The following EIF2B5 variants were observed in gnomAD, a reference collection of about 807,000 sequenced individuals.
The protein encoded by EIF2B5 is translation initiation factor eIF2B subunit epsilon.
EIF2B5 carries 38 observed loss-of-function variants against 87.3 expected under a neutral mutation model. The ratio of observed to expected loss-of-function variants is 0.44; its 90% CI spans 0.34 to 0.57. The LOEUF is 0.57. EIF2B5 is among the 20% of genes least tolerant of loss of function. The pLI is 0.02. For missense variants in EIF2B5, 784 were observed against 909.5 expected (o/e 0.86, Z 1.78); for synonymous variants, 313 against 339.6 (o/e 0.92, Z 0.86).
intron 13 of EIF2B5, 104 bp from the exon 14 acceptor site, chr3:184,143,995 C>A: frequency 6.5e-7 from 1 of 1,537,288 alleles, no homozygotes; most frequent in African/African-American, 1.4e-5. Flanking sequence ...GAACCTGTAT[C>A]ATCTCCCTTT....
In EIF2B5 at chr3:184,137,908, A is replaced by G. The variant is rs1396988642; in HGVS notation, c.517A>G (p.Lys173Glu). 1 of 1,614,070 alleles carries G rather than the reference A, an allele frequency of 6.2e-7. No individual in the cohort carries two copies. Among genetic ancestry groups the G allele is most frequent in the African/African-American group, 1.3e-5 (1 of 74,906 alleles). The part of the protein sequence containing the change: ...RALEEHRLRR[K>E]LEKNVSVMTM... Reference sequence around the variant, plus strand: ...TCCTGTCCTTTATAGGTTGAGACGGAAGCTAGAAAAAAATGTTTCTGTGAT... The same window carrying G: ...TCCTGTCCTTTATAGGTTGAGACGGGAGCTAGAAAAAAATGTTTCTGTGAT... Residue 173 changes from lysine to glutamate, a missense_variant, in exon 4 of 16, where the codon AAG becomes GAG. Transcript: ENST00000648915.
Position 184,144,244 on chromosome 3 carries a change from C to G in EIF2B5, c.1995+20C>G. On this transcript the variant is annotated intron_variant, in intron 14 of 15. Transcript: ENST00000648915. Reference sequence around the variant, plus strand: ...GCCAAGGTGAATATGACCTCAAGCCCCATTCTTCTGCACTTGCTTTCAAAC... The same window carrying G: ...GCCAAGGTGAATATGACCTCAAGCCGCATTCTTCTGCACTTGCTTTCAAAC... 2 of 1,613,582 alleles carry G rather than the reference C, an allele frequency of 1.2e-6. No homozygotes were observed. Among genetic ancestry groups the G allele is most frequent in the Non-Finnish European group, 1.7e-6 (2 of 1,180,032 alleles).
intron 1 of EIF2B5, 134 bp downstream of exon 1, chr3:184,135,714 G>C (rs1340310428): frequency 7.8e-7 from 1 of 1,279,764 alleles, no homozygotes; most frequent in Non-Finnish European, 1.1e-6. Flanking sequence ...ACCGGATGCA[G>C]AGGGACTGTC....
chr3:184,142,642 C>A lies in EIF2B5; in HGVS notation c.1546+39C>A. The A allele has an allele frequency of 1.9e-6, 3 of 1,592,724 alleles. No homozygotes were observed. The South Asian group carries it at 3.4e-5, about 18-fold the overall frequency. On this transcript the variant is annotated intron_variant, in intron 10 of 15. Coordinates refer to ENST00000648915, the MANE Select transcript of EIF2B5 (RefSeq NM_003907.3). The surrounding 1 kb of genome is among the most constrained non-coding windows in gnomAD (Gnocchi z 5.0). ...GATGCCTGCCCTTCTCCTCCTGAAT[C>A]GGAATATTTTGAAGGATAATGAATA...
Position 184,142,811 on chromosome 3 carries a change from A to G in EIF2B5, c.1579A>G (p.Ser527Gly), listed in dbSNP as rs776148859. Residue 527 changes from serine to glycine, a missense_variant, in exon 11 of 16, where the codon AGT (serine) becomes GGT (glycine). Ser to Gly is a moderately conservative substitution (Grantham distance 56). Transcript: ENST00000648915. This position sits in a 1 kb window ranked among gnomAD's most constrained non-coding sequence, Gnocchi z 5.0. ...GATCAACATGGAAGAAGAGAGTGAA[A>G]GTGAAAGTGAGCAAAGTATGGATTC... ...LKINMEEESE[S>G]ESEQSMDSEE... 52 of 1,613,968 alleles carry G rather than the reference A, an allele frequency of 3.2e-5. No individual in the cohort carries two copies. Among genetic ancestry groups the G allele is most frequent in the Non-Finnish European group, 4.3e-5 (51 of 1,180,020 alleles).
Position 184,135,367 on chromosome 3 carries a change from G to T in EIF2B5, c.-19G>T. Reference sequence around the variant, plus strand: ...CGGTGGCAGCTTCCTTGCGGAAGTGGTGACCGTGAGAGAAGAAGATGGCGG... The same window carrying T: ...CGGTGGCAGCTTCCTTGCGGAAGTGTTGACCGTGAGAGAAGAAGATGGCGG... On this transcript the variant is annotated 5_prime_UTR_variant, in exon 1 of 16. Transcript: ENST00000648915. 1.3e-6 allele frequency: 2 copies of T among 1,569,882 alleles called. No individual in the cohort carries two copies. Among genetic ancestry groups the T allele is most frequent in the Non-Finnish European group, 1.7e-6 (2 of 1,157,976 alleles).
Position 184,142,584 on chromosome 3 carries a change from A to G in EIF2B5, c.1527A>G (p.Glu509=), listed in dbSNP as rs752677373. ...AAGMNMEEEE[E]LQQNLWGLKI... ...GCATGAACATGGAGGAAGAGGAGGA[A>G]CTGCAGCAGAATCTGTGGGGTGAGC... The change falls in exon 10 of 16, where the codon GAA becomes GAG. Residue 509 remains glutamate, a synonymous_variant. Coordinates refer to ENST00000648915, the MANE Select transcript of EIF2B5 (RefSeq NM_003907.3). The surrounding 1 kb of genome is among the most constrained non-coding windows in gnomAD (Gnocchi z 5.0). The G allele has an allele frequency of 2.0e-5, 33 of 1,613,930 alleles. No individual in the cohort carries two copies. The highest frequency in any genetic ancestry group is 3.3e-5 in the Admixed American group (2 of 59,998).
Sources: gnomAD v4.1 joint callset for allele counts on GRCh38, gnomAD v4.1.1 for gene constraint, Gnocchi (gnomAD v3.1) non-coding constraint, MANE v1.5 for transcripts, NCBI Gene and HGNC (gene_info 2026-07-23, HGNC 2026-07-21) for gene names.